The following RPA1 variants were observed in gnomAD, a reference collection of about 807,000 sequenced individuals.
The protein encoded by RPA1 is replication protein A1.
In RPA1, 49 loss-of-function variants were observed where a neutral mutation model predicts 83.0. The ratio of observed to expected loss-of-function variants is 0.59; its 90% CI spans 0.47 to 0.75. The LOEUF (loss-of-function observed/expected upper bound fraction) is 0.75. Ranked by LOEUF, RPA1 falls within the 30% of genes least tolerant of loss-of-function variation. RPA1 has a pLI of 0.00. For synonymous variants in RPA1, 279 were observed against 281.8 expected, an observed-to-expected ratio of 0.99 and a Z score of 0.10; for missense variants, 693 against 776.1, an observed-to-expected ratio of 0.89 and a Z score of 1.27.
chr17:1,885,554 C>T (rs939170137), intron 13 of RPA1, among the ~76,000 whole-genome samples: 8 of 152,112 alleles, frequency 5.3e-5, no homozygotes, highest in Admixed American at 4.6e-4. Context: ...TCACTGCAGT[C>T]TCAACCTCCC....
intron 1 of RPA1, among the ~76,000 whole-genome samples, chr17:1,838,823 GTTAC>G (rs1911928426): frequency 6.6e-6 from 1 of 151,882 alleles, no homozygotes; most frequent in Non-Finnish European, 1.5e-5. Flanking sequence ...ATTTCATTGA[GTTAC>G]TTAGTCACTT....
chr17:1,896,049 G>A (rs1914407620), intron 16 of RPA1, among the ~76,000 whole-genome samples: 1 of 152,128 alleles, frequency 6.6e-6, no homozygotes, highest in African/African-American at 2.4e-5. Flanking sequence ...CATCCTTTAC[G>A]TGGAACATCT....
At chr17:1,881,888 C>CTCTCTCCTTACTCTG (rs11276126) in intron 12 of RPA1, among the ~76,000 whole-genome samples, 1 of 152,046 alleles carries the variant, frequency 6.6e-6, no homozygotes, top group African/African-American at 2.4e-5. Flanking sequence ...GAAGGGCCGC[C>CTCTCTCCTTACTCTG]TTGACTCCTG....
chr17:1,860,091 G>A (rs1020722051), intron 5 of RPA1, among the ~76,000 whole-genome samples: 14 of 152,114 alleles, frequency 9.2e-5, no homozygotes, highest in Admixed American at 8.5e-4. Context: ...GGTTAAAGGC[G>A]TGAGCCACCA....
chr17:1,894,100 C>G (rs1439354006), intron 15 of RPA1, among the ~76,000 whole-genome samples: 2 of 150,724 alleles, frequency 1.3e-5, no homozygotes, highest in African/African-American at 4.9e-5. Context: ...AACTCCTGGC[C>G]TCAAGCAGTC....
chr17:1,872,298 A>T (rs1213141199), intron 5 of RPA1, 136 bp from the exon 6 acceptor site: 2 of 1,333,168 alleles, frequency 1.5e-6, no homozygotes, highest in Non-Finnish European at 2.0e-6. Flanking sequence ...GGAATGCCTC[A>T]GCACGAATTC....
At chr17:1,874,054 C>CACAT (rs1555593046) in intron 6 of RPA1, among the ~76,000 whole-genome samples, 3 of 145,938 alleles carry the variant, frequency 2.1e-5, no homozygotes, top group African/African-American at 7.8e-5. Flanking sequence ...CACACACACA[C>CACAT]ACACACACAC....
intron 14 of RPA1, among the ~76,000 whole-genome samples, chr17:1,890,613 C>T (rs939332641): frequency 3.3e-5 from 5 of 149,270 alleles, no homozygotes; most frequent in South Asian, 2.1e-4. Context: ...CAGTGAGCCA[C>T]GATCGCGCCA....
At chr17:1,887,689 A>T (rs1914045466) in intron 13 of RPA1, among the ~76,000 whole-genome samples, 1 of 151,938 alleles carries the variant, frequency 6.6e-6, no homozygotes, top group South Asian at 2.1e-4. Context: ...GGAGTTCGAG[A>T]CCAGCCTACC....
intron 13 of RPA1, among the ~76,000 whole-genome samples, chr17:1,888,112 G>A (rs563598634): frequency 2.2e-4 from 33 of 152,322 alleles, no homozygotes; most frequent in Non-Finnish European, 3.8e-4. Context: ...AGCAGAGACT[G>A]TGACCAAATG....
At chr17:1,858,332 C>T (rs1421488774) in intron 5 of RPA1, 8 of 1,608,222 alleles carry the variant, frequency 5.0e-6, no homozygotes, top group African/African-American at 1.3e-5. Flanking sequence ...ATACCAGTGC[C>T]ACGGTGGCAG....
At chr17:1,852,921 C>G (rs1912553281) in intron 4 of RPA1, among the ~76,000 whole-genome samples, 180 bp from the exon 5 acceptor site, 1 of 152,182 alleles carries the variant, frequency 6.6e-6, no homozygotes, top group Non-Finnish European at 1.5e-5. Flanking sequence ...TAGTTGGGAA[C>G]TGAAAACCCT....
chr17:1,890,767 A>G (rs1914174947), intron 14 of RPA1, among the ~76,000 whole-genome samples: 1 of 152,232 alleles, frequency 6.6e-6, no homozygotes, highest in Non-Finnish European at 1.5e-5. Context: ...TAAACTTTTC[A>G]TTGAACTAAG....
intron 1 of RPA1, among the ~76,000 whole-genome samples, chr17:1,834,666 G>A (rs1567798036): frequency 1.3e-5 from 2 of 152,138 alleles, no homozygotes; most frequent in Non-Finnish European, 2.9e-5. Flanking sequence ...TATAACGAAA[G>A]GGGAAGGGAA....
At chr17:1,881,971 A>G (rs542166093) in intron 12 of RPA1, among the ~76,000 whole-genome samples, 40 of 152,310 alleles carry the variant, frequency 2.6e-4, no homozygotes, top group South Asian at 1.4e-3. Context: ...AGTAGTGGTG[A>G]AACAGATGGA....
chr17:1,879,443 C>G (rs1396957827), intron 10 of RPA1, 36 bp downstream of exon 10: 1 of 1,611,412 alleles, frequency 6.2e-7, no homozygotes, highest in Non-Finnish European at 8.5e-7. Context: ...GCAGGGATGA[C>G]TAGCTTTCTT....
chr17:1,895,795 G>T (rs1914395862), intron 16 of RPA1, among the ~76,000 whole-genome samples: 1 of 151,752 alleles, frequency 6.6e-6, no homozygotes, highest in South Asian at 2.1e-4. Flanking sequence ...TGATTCTCCT[G>T]CCTTAGCCCC....
At chr17:1,861,876 C>A (rs971656798) in intron 5 of RPA1, among the ~76,000 whole-genome samples, 9 of 152,070 alleles carry the variant, frequency 5.9e-5, no homozygotes, top group African/African-American at 2.2e-4. Context: ...AGGCGTGCAC[C>A]ACTGCACCCT....
chr17:1,883,002 C>G (rs139473907), intron 12 of RPA1, among the ~76,000 whole-genome samples: 1 of 152,044 alleles, frequency 6.6e-6, no homozygotes, highest in South Asian at 2.1e-4. Flanking sequence ...AACTGAGATT[C>G]AAAGAAAGGT....
Sources: gnomAD v4.1 joint callset for allele counts (sites outside exome capture counted in the v4.1 genomes callset) on GRCh38, gnomAD v4.1.1 for gene constraint, MANE v1.5 for transcripts, NCBI Gene and HGNC (gene_info 2026-07-23, HGNC 2026-07-21) for gene names.